ADAM9: variants seen among roughly 807,000 people sequenced by gnomAD.
ADAM9 encodes disintegrin and metalloproteinase domain-containing protein 9.
ADAM9 carries 54 observed loss-of-function variants against 108.1 expected under a neutral mutation model. That is an observed-to-expected ratio of 0.50 (90% CI 0.40 to 0.63). The LOEUF is 0.63. Among genes scored for constraint, ADAM9 ranks in the 20% least tolerant of loss-of-function variants. The pLI, the probability that ADAM9 is intolerant of heterozygous loss-of-function variation, is 0.00. For synonymous variants in ADAM9, 316 were observed against 336.0 expected, an observed-to-expected ratio of 0.94 and a Z score of 0.65; for missense variants, 830 against 997.7, an observed-to-expected ratio of 0.83 and a Z score of 2.26.
At chr8:39,014,404 C>A in intron 4 of ADAM9, 1 of 569,822 alleles carries the variant, frequency 1.8e-6, no homozygotes, top group South Asian at 2.4e-5. Context: ...TTTAATTTGT[C>A]AGTGATATTT....
chr8:39,037,715 AAAACATTATTGCATGT>A (rs1180461692), intron 11 of ADAM9, among the ~76,000 whole-genome samples: 1 of 152,138 alleles, frequency 6.6e-6, no homozygotes, highest in Admixed American at 6.5e-5. Flanking sequence ...ATTCCTACAG[AAAACATTATTGCATGT>A]ATACCATGTA....
At chr8:39,024,450 A>G (rs1274240450) in intron 9 of ADAM9, among the ~76,000 whole-genome samples, 1 of 152,072 alleles carries the variant, frequency 6.6e-6, no homozygotes, top group African/African-American at 2.4e-5. Flanking sequence ...ATGCTTGATG[A>G]TTTTTAGTTG....
chr8:38,997,305 C>A, intron 1 of ADAM9, 145 bp downstream of exon 1: 1 of 961,136 alleles, frequency 1.0e-6, no homozygotes, highest in Non-Finnish European at 1.5e-6. Flanking sequence ...CAGGTGTGTG[C>A]GGACCGGGGT....
chr8:39,017,129 A>AT, intron 5 of ADAM9, 90 bp from the exon 6 acceptor site: 2 of 1,362,610 alleles, frequency 1.5e-6, no homozygotes, highest in Non-Finnish European at 2.1e-6. Flanking sequence ...CTACTTACAC[A>AT]TTTAAGAATT....
chr8:39,078,219 C>G (rs1482915216), intron 16 of ADAM9, among the ~76,000 whole-genome samples: 1 of 152,118 alleles, frequency 6.6e-6, no homozygotes, highest in African/African-American at 2.4e-5. Flanking sequence ...CCTGTCCTTG[C>G]AACTAAATAA....
At chr8:39,099,871 GTTTGTT>G (rs1839629008) in intron 20 of ADAM9, among the ~76,000 whole-genome samples, 1 of 104,802 alleles carries the variant, frequency 9.5e-6, no homozygotes, top group East Asian at 3.0e-4. Flanking sequence ...GGGGTATCGT[GTTTGTT>G]TTTTTTTTTT....
chr8:39,045,079 T>TATATAC (rs1386825375), intron 12 of ADAM9, among the ~76,000 whole-genome samples: 1 of 24,964 alleles, frequency 4.0e-5, no homozygotes, highest in East Asian at 3.9e-3. Flanking sequence ...CATATGTGTG[T>TATATAC]GTGCATACAT....
chr8:39,071,429 A>G, intron 15 of ADAM9, 26 bp downstream of exon 15: 1 of 1,467,304 alleles, frequency 6.8e-7, no homozygotes, highest in Non-Finnish European at 9.5e-7. Context: ...GTCATAATGG[A>G]ATATGAAAGA....
chr8:39,055,231 A>T (rs1838081300), intron 13 of ADAM9, among the ~76,000 whole-genome samples: 1 of 152,148 alleles, frequency 6.6e-6, no homozygotes, highest in Admixed American at 6.6e-5. Context: ...ACATATGCCA[A>T]TCTATACTTC....
chr8:39,054,847 A>G (rs1838068730), intron 13 of ADAM9, among the ~76,000 whole-genome samples: 1 of 152,166 alleles, frequency 6.6e-6, no homozygotes, highest in South Asian at 2.1e-4. Context: ...GAAACCATAG[A>G]AAGTAGAGAA....
chr8:39,022,060 ATATT>A (rs1033446774), intron 8 of ADAM9, among the ~76,000 whole-genome samples: 1 of 145,760 alleles, frequency 6.9e-6, no homozygotes, highest in Non-Finnish European at 1.5e-5. Flanking sequence ...TGATATGACA[ATATT>A]TGTGTGTGTG....
rs1481801039 is a variant in ADAM9, at chr8:39,055,756, A to G, written c.1575A>G (p.Gln525=). The G allele has an allele frequency of 3.1e-6, 5 of 1,613,332 alleles. No individual in the cohort carries two copies. Among genetic ancestry groups the G allele is most frequent in the Admixed American group, 1.7e-5 (1 of 59,908 alleles). The change falls in exon 14 of 22, where the codon CAA becomes CAG. Residue 525 remains glutamine (Q), a synonymous_variant. Coordinates refer to ENST00000487273, the MANE Select transcript of ADAM9 (RefSeq NM_003816.3). ...GMCQYYDAQC[Q]VIFGSKAKAA... ...GCCAGTATTATGATGCTCAATGTCAAGTCATCTTTGGCTCAAGTAAGATAT... is the reference window on the plus strand; with the variant it reads ...GCCAGTATTATGATGCTCAATGTCAGGTCATCTTTGGCTCAAGTAAGATAT...
intron 11 of ADAM9, among the ~76,000 whole-genome samples, chr8:39,032,587 T>G (rs1215495628): frequency 6.6e-6 from 1 of 152,262 alleles, no homozygotes; most frequent in Non-Finnish European, 1.5e-5. Flanking sequence ...CGGCTTCCCT[T>G]GGCTAGGAGA....
intron 7 of ADAM9, among the ~76,000 whole-genome samples, 186 bp downstream of exon 7, chr8:39,019,104 A>T (rs181730840): frequency 5.9e-5 from 9 of 152,368 alleles, no homozygotes; most frequent in Admixed American, 5.2e-4. Context: ...AAATGTAGCA[A>T]ATGTGACTGC....
At chr8:39,018,962 T>G (rs1836642963) in intron 7 of ADAM9, 44 bp downstream of exon 7, 1 of 1,511,012 alleles carries the variant, frequency 6.6e-7, no homozygotes, top group Non-Finnish European at 9.2e-7. Flanking sequence ...GAAAAGGATA[T>G]GAGAAGTGAG....
intron 11 of ADAM9, among the ~76,000 whole-genome samples, chr8:39,034,074 G>A (rs1338121566): frequency 2.0e-5 from 3 of 152,016 alleles, no homozygotes; most frequent in African/African-American, 4.8e-5. Context: ...TTTTCACTTT[G>A]TAGAAATGGG....
chr8:39,093,760 A>ATTTC (rs1290561772), intron 20 of ADAM9, among the ~76,000 whole-genome samples: 1 of 151,842 alleles, frequency 6.6e-6, no homozygotes, highest in Non-Finnish European at 1.5e-5. Flanking sequence ...GAGGTTCATT[A>ATTTC]TTTCTTTCTT....
chr8:39,015,211 G>A (rs1165940857), intron 4 of ADAM9: 2 of 152,098 alleles, frequency 1.3e-5, no homozygotes, highest in African/African-American at 2.4e-5. Flanking sequence ...TGGTATCTTC[G>A]CTTTAAAATG....
chr8:39,015,992 A>C, intron 4 of ADAM9, 126 bp from the exon 5 acceptor site: 1 of 841,972 alleles, frequency 1.2e-6, no homozygotes, highest in Non-Finnish European at 2.0e-6. Context: ...GATGCCAATA[A>C]TATAAATAAA....
Sources: allele counts gnomAD v4.1 joint callset (sites outside exome capture counted in the v4.1 genomes callset), GRCh38; gene constraint gnomAD v4.1.1; transcripts MANE v1.5; gene names NCBI Gene and HGNC (gene_info 2026-07-23, HGNC 2026-07-21).